Variants in SLC25A21 observed in about 807,000 individuals in gnomAD.
The protein encoded by SLC25A21 is solute carrier family 25 member 21, also known as mitochondrial 2-oxodicarboxylate carrier.
Under a neutral mutation model 43.8 loss-of-function variants are expected in SLC25A21, and 47 were observed. That is an observed-to-expected ratio of 1.07 (90% CI 0.85 to 1.37). The LOEUF is 1.37. SLC25A21 is among the 40% of genes most tolerant of loss of function. SLC25A21 has a pLI of 0.00. For missense variants in SLC25A21, 352 were observed against 350.2 expected (o/e 1.00, Z -0.04); for synonymous variants, 131 against 121.3 (o/e 1.08, Z -0.52).
At position 36,711,546 on chromosome 14, in the gene SLC25A21, C is replaced by T. The variant is rs7140247; in HGVS notation, c.439-64G>A. 423 of 1,501,096 alleles carry T rather than the reference C, an allele frequency of 2.8e-4. 1 individual carries two copies. In the African/African-American group the frequency reaches 4.3e-3, roughly 15 times the overall value. 93.0% of individuals were successfully genotyped at this position (1,501,096 alleles called of 1,614,324 possible). A position where few individuals can be genotyped will look rare whatever the true frequency, so the allele number is the denominator to read the frequency against. ...GGGACTGTGGAATACAGTAAATTAC[C>T]GTATTAACTTCCCTTCAAGCCAGAA... is the stretch of plus-strand genomic sequence containing the variant. On this transcript the variant is annotated intron_variant, in intron 6 of 9. Coordinates refer to ENST00000331299, the MANE Select transcript of SLC25A21 (RefSeq NM_030631.4).
intron 1 of SLC25A21, among the ~76,000 whole-genome samples, chr14:36,970,784 T>C (rs754927764): frequency 6.6e-6 from 1 of 152,210 alleles, no homozygotes; most frequent in Non-Finnish European, 1.5e-5. Flanking sequence ...TTTATATGGC[T>C]TGATCTAATA....
At chr14:36,875,872 A>T (rs115611582) in intron 1 of SLC25A21, among the ~76,000 whole-genome samples, 1,942 of 152,316 alleles carry the variant, frequency 0.013, 49 homozygotes, top group African/African-American at 0.044. Flanking sequence ...GGAGTAGTAC[A>T]GTAGTATTAG....
chr14:36,715,000 G>C (rs538151973), intron 6 of SLC25A21, among the ~76,000 whole-genome samples: 41 of 152,256 alleles, frequency 2.7e-4, no homozygotes, highest in African/African-American at 9.9e-4. Context: ...AAGATTGTTA[G>C]GCAACATGCC....
intron 1 of SLC25A21, among the ~76,000 whole-genome samples, chr14:37,140,529 T>A (rs1456493770): frequency 6.6e-6 from 1 of 152,156 alleles, no homozygotes; most frequent in Non-Finnish European, 1.5e-5. Flanking sequence ...CTCACTGAGG[T>A]ATTGGGAGAA....
At chr14:37,072,048 G>A (rs1384750528) in intron 1 of SLC25A21, among the ~76,000 whole-genome samples, 3 of 151,900 alleles carry the variant, frequency 2.0e-5, no homozygotes, top group Non-Finnish European at 4.4e-5. Flanking sequence ...TGGGCATGGT[G>A]GCAGGCACCT....
chr14:36,720,936 C>T lies in SLC25A21; in HGVS notation c.438+4634G>A, dbSNP rs140904585. 3.3e-3 allele frequency among the ~76,000 whole-genome samples: 509 copies of T among 152,332 alleles called. 2 individuals are homozygous for T. Among genetic ancestry groups the T allele is most frequent in the African/African-American group, 0.011 (472 of 41,588 alleles). On this transcript the variant is annotated intron_variant, in intron 6 of 9. Transcript: ENST00000331299. ...ATTCAGGCTGAATGGATGGCAGTGG[C>T]ATCTGATAATGACCTAAGGCACACT...
At chr14:36,769,230 A>G (rs978257773) in intron 3 of SLC25A21, among the ~76,000 whole-genome samples, 2 of 152,220 alleles carry the variant, frequency 1.3e-5, no homozygotes, top group African/African-American at 2.4e-5. Flanking sequence ...TATTTGTCTT[A>G]GTTTTCTATC....
chr14:37,046,523 T>G (rs17106086), intron 1 of SLC25A21, among the ~76,000 whole-genome samples: 1 of 152,162 alleles, frequency 6.6e-6, no homozygotes, highest in South Asian at 2.1e-4. Context: ...TTTGGAAATT[T>G]TGTTAAATAC....
At chr14:36,906,316 A>G (rs1349420568) in intron 1 of SLC25A21, among the ~76,000 whole-genome samples, 1 of 152,106 alleles carries the variant, frequency 6.6e-6, no homozygotes, top group African/African-American at 2.4e-5. Flanking sequence ...AGAAAATAAA[A>G]TTTCCCCCAA....
chr14:37,124,063 T>C (rs981138248), intron 1 of SLC25A21, among the ~76,000 whole-genome samples: 1 of 151,074 alleles, frequency 6.6e-6, no homozygotes, highest in Admixed American at 6.6e-5. Context: ...CAGGCTGGAG[T>C]GCAGTGGTGC....
intron 7 of SLC25A21, among the ~76,000 whole-genome samples, chr14:36,694,002 T>G (rs1050323400): frequency 6.6e-6 from 1 of 152,164 alleles, no homozygotes; most frequent in Non-Finnish European, 1.5e-5. Context: ...CATGTTGGTT[T>G]GCTGCACCCA....
intron 7 of SLC25A21, among the ~76,000 whole-genome samples, chr14:36,694,531 T>G (rs144341582): frequency 6.6e-6 from 1 of 152,204 alleles, no homozygotes; most frequent in Non-Finnish European, 1.5e-5. Context: ...CCACCAACAG[T>G]GTAAAAGCGT....
At chr14:36,717,942 G>C (rs868267319) in intron 6 of SLC25A21, among the ~76,000 whole-genome samples, 4 of 152,108 alleles carry the variant, frequency 2.6e-5, no homozygotes, top group Admixed American at 6.6e-5. Context: ...CAGTGGGATA[G>C]GGTTAGAGGG....
rs1329590893 is a variant in SLC25A21, at chr14:36,734,464, C to G, written c.270+43G>C. ...AGAGTTTGTTGTGCTGAAGCTGTTA[C>G]TGTGCCCTACTTTTGCTTGGTGCGA... is the stretch of plus-strand genomic sequence containing the variant. On this transcript the variant is annotated intron_variant, in intron 4 of 9. Coordinates refer to ENST00000331299, the MANE Select transcript of SLC25A21 (RefSeq NM_030631.4). The G allele has an allele frequency of 2.0e-6, 3 of 1,496,406 alleles. No individual in the cohort carries two copies. In the African/African-American group the frequency reaches 4.1e-5, roughly 21 times the overall value. The allele number at this position is 1,496,406 out of a possible 1,614,324, so 92.7% of individuals were successfully genotyped here.
In SLC25A21 at chr14:36,684,750, T is replaced by C. The variant is rs1882452976; in HGVS notation, c.779A>G (p.Glu260Gly). 7 of 1,605,112 alleles carry C rather than the reference T, an allele frequency of 4.4e-6. No individual in the cohort carries two copies. Among genetic ancestry groups the C allele is most frequent in the Non-Finnish European group, 6.0e-6 (7 of 1,176,464 alleles). The change falls in exon 8 of 10, where the codon GAA becomes GGA. Residue 260 changes from glutamate (E) to glycine (G), a missense_variant. By Grantham distance (98) the Glu-to-Gly change is moderately conservative. Transcript: ENST00000331299. ...CFKTMATVYQ[E>G]EGILALYKGL... The stretch of plus-strand genomic sequence containing the variant: ...TAAGAATGTGTTATGTTACCCTTCT[T>C]CCTGATAGACTGTTGCCATTGTTTT...
chr14:37,040,994 T>C (rs961548642), intron 1 of SLC25A21, among the ~76,000 whole-genome samples: 1 of 152,074 alleles, frequency 6.6e-6, no homozygotes, highest in Non-Finnish European at 1.5e-5. Flanking sequence ...AGAATTTAGA[T>C]GGATGTAACT....
chr14:36,847,606 G>C (rs572272397), intron 2 of SLC25A21, among the ~76,000 whole-genome samples: 1 of 152,188 alleles, frequency 6.6e-6, no homozygotes, highest in Non-Finnish European at 1.5e-5. Context: ...GGAGGTGTTT[G>C]CCAGGCAGAG....
intron 1 of SLC25A21, among the ~76,000 whole-genome samples, chr14:37,062,889 A>G (rs1359624247): frequency 2.6e-5 from 4 of 152,178 alleles, no homozygotes; most frequent in Non-Finnish European, 4.4e-5. Flanking sequence ...CTGGTGTATT[A>G]GTGCATTCTC....
At chr14:36,751,286 T>A (rs940628552) in intron 3 of SLC25A21, among the ~76,000 whole-genome samples, 1 of 152,206 alleles carries the variant, frequency 6.6e-6, no homozygotes, top group African/African-American at 2.4e-5. Context: ...GCAGAACAGG[T>A]ACAACAGGAA....
Sources: allele counts gnomAD v4.1 joint callset (sites outside exome capture counted in the v4.1 genomes callset), GRCh38; gene constraint gnomAD v4.1.1; transcripts MANE v1.5; gene names NCBI Gene and HGNC (gene_info 2026-07-23, HGNC 2026-07-21).